The following DCC variants were observed in gnomAD, a reference collection of about 807,000 sequenced individuals.
The protein encoded by DCC is netrin receptor DCC.
In DCC, 58 loss-of-function variants were observed where a neutral mutation model predicts 172.5. The ratio of observed to expected loss-of-function variants is 0.34; its 90% CI spans 0.27 to 0.42. The LOEUF (loss-of-function observed/expected upper bound fraction) is 0.42. Ranked by LOEUF, DCC falls within the 10% of genes least tolerant of loss-of-function variation. DCC has a pLI of 1.00. For synonymous variants in DCC, 709 were observed against 644.5 expected (o/e 1.10, Z -1.52); for missense variants, 1,740 against 1,791.0 (o/e 0.97, Z 0.51).
At chr18:52,713,796 C>T (rs1328258405) in intron 1 of DCC, among the ~76,000 whole-genome samples, 1 of 152,114 alleles carries the variant, frequency 6.6e-6, no homozygotes, top group Non-Finnish European at 1.5e-5. Flanking sequence ...TTACATGTGG[C>T]ACTGTGCTAA....
chr18:52,500,767 T>G (rs118165223), intron 1 of DCC, among the ~76,000 whole-genome samples: 3,876 of 152,312 alleles, frequency 0.025, 76 homozygotes, highest in Non-Finnish European at 0.04. Flanking sequence ...TGATTTTTTT[T>G]TAATCCAGCT....
intron 15 of DCC, among the ~76,000 whole-genome samples, chr18:53,372,361 A>G (rs8097788): frequency 0.017 from 2,512 of 152,212 alleles, 33 homozygotes; most frequent in Middle Eastern, 0.034. Context: ...ACAGGAATAG[A>G]AAACCAAATA....
At chr18:53,312,352 A>G (rs1432868492) in intron 13 of DCC, among the ~76,000 whole-genome samples, 1 of 143,340 alleles carries the variant, frequency 7.0e-6, no homozygotes, top group Non-Finnish European at 1.5e-5. Flanking sequence ...AAAAAAAAAA[A>G]AAAAAAAAAA....
intron 1 of DCC, among the ~76,000 whole-genome samples, chr18:52,735,350 T>C (rs1242356490): frequency 6.6e-6 from 1 of 152,144 alleles, no homozygotes; most frequent in East Asian, 1.9e-4. Context: ...ATCACTTACT[T>C]TGTCCCTCTT....
chr18:53,282,055 G>A (rs2056878757), intron 12 of DCC, among the ~76,000 whole-genome samples: 1 of 129,144 alleles, frequency 7.7e-6, no homozygotes. Context: ...TTCCCAGGGA[G>A]AAACAAATGG....
intron 27 of DCC, among the ~76,000 whole-genome samples, chr18:53,511,800 G>A (rs924307046): frequency 1.4e-4 from 21 of 152,180 alleles, no homozygotes; most frequent in Non-Finnish European, 2.8e-4. Context: ...CACCTGGCTC[G>A]GAGGGTCCTA....
chr18:52,880,177 G>A (rs1428765483), intron 2 of DCC, among the ~76,000 whole-genome samples: 1 of 151,776 alleles, frequency 6.6e-6, no homozygotes, highest in Non-Finnish European at 1.5e-5. Flanking sequence ...TGTCACCCAG[G>A]CTGGAGTGCA....
intron 22 of DCC, among the ~76,000 whole-genome samples, chr18:53,443,785 A>G (rs1374958920): frequency 6.6e-6 from 1 of 152,242 alleles, no homozygotes. Context: ...ATAGATTCCA[A>G]TAAGGAGTAG....
intron 1 of DCC, among the ~76,000 whole-genome samples, chr18:52,613,089 G>T (rs1455272572): frequency 6.6e-6 from 1 of 152,146 alleles, no homozygotes; most frequent in Non-Finnish European, 1.5e-5. Context: ...ATATCTCTAG[G>T]CAAGCCTCCT....
At chr18:53,420,772 A>G (rs1325935956) in intron 21 of DCC, among the ~76,000 whole-genome samples, 1 of 152,170 alleles carries the variant, frequency 6.6e-6, no homozygotes, top group African/African-American at 2.4e-5. Context: ...GAGATTCAAT[A>G]TACACATTTT....
chr18:53,002,299 G>A (rs2041578304), intron 5 of DCC, among the ~76,000 whole-genome samples: 1 of 152,030 alleles, frequency 6.6e-6, no homozygotes, highest in Non-Finnish European at 1.5e-5. Context: ...TCATCATCAC[G>A]AAATGTCAAA....
At chr18:52,362,531 T>C (rs1984664014) in intron 1 of DCC, among the ~76,000 whole-genome samples, 2 of 152,226 alleles carry the variant, frequency 1.3e-5, no homozygotes, top group Non-Finnish European at 2.9e-5. Context: ...GGGAGGGTTA[T>C]AAAATTTGAA....
intron 1 of DCC, among the ~76,000 whole-genome samples, chr18:52,379,231 G>C (rs1388741660): frequency 6.6e-6 from 1 of 151,054 alleles, no homozygotes; most frequent in Non-Finnish European, 1.5e-5. Context: ...TGATGACCTT[G>C]CTACAAAAGC....
At chr18:53,508,056 C>CTAA (rs2046204509) in intron 27 of DCC, among the ~76,000 whole-genome samples, 1 of 151,918 alleles carries the variant, frequency 6.6e-6, no homozygotes, top group African/African-American at 2.4e-5. Context: ...CCATGCCCAG[C>CTAA]TAATTTTTTT....
chr18:53,211,554 T>G (rs1281202525), intron 11 of DCC, among the ~76,000 whole-genome samples: 1 of 151,998 alleles, frequency 6.6e-6, no homozygotes, highest in Non-Finnish European at 1.5e-5. Flanking sequence ...AAACCCACTC[T>G]CTACTAAAAA....
intron 1 of DCC, among the ~76,000 whole-genome samples, chr18:52,557,841 G>C (rs1008951933): frequency 6.6e-6 from 1 of 152,104 alleles, no homozygotes; most frequent in African/African-American, 2.4e-5. Context: ...GGTATTTTTG[G>C]TAGAGACTGG....
At chr18:53,346,620 T>C (rs2057729407) in intron 15 of DCC, among the ~76,000 whole-genome samples, 1 of 152,180 alleles carries the variant, frequency 6.6e-6, no homozygotes, top group Non-Finnish European at 1.5e-5. Flanking sequence ...CTCTTTTTAA[T>C]ATTACAATCT....
At chr18:52,543,434 C>T (rs1045614670) in intron 1 of DCC, among the ~76,000 whole-genome samples, 9 of 152,086 alleles carry the variant, frequency 5.9e-5, no homozygotes, top group Admixed American at 2.6e-4. Context: ...GTGTCTAATT[C>T]GTGCTGTACT....
intron 1 of DCC, among the ~76,000 whole-genome samples, chr18:52,402,665 G>A (rs1986486052): frequency 6.6e-6 from 1 of 152,102 alleles, no homozygotes; most frequent in African/African-American, 2.4e-5. Flanking sequence ...TGTAACTAAT[G>A]AGACTATTTT....
Sources: allele counts gnomAD v4.1 joint callset (sites outside exome capture counted in the v4.1 genomes callset), GRCh38; gene constraint gnomAD v4.1.1; transcripts MANE v1.5; gene names NCBI Gene and HGNC (gene_info 2026-07-23, HGNC 2026-07-21).